PIGL: variants seen among roughly 807,000 people sequenced by gnomAD.
The protein encoded by PIGL is phosphatidylinositol glycan anchor biosynthesis class L.
PIGL carries 22 observed loss-of-function variants against 31.1 expected under a neutral mutation model. That is an observed-to-expected ratio of 0.71 (90% CI 0.51 to 1.01). The LOEUF (loss-of-function observed/expected upper bound fraction) is 1.01. PIGL is among the 50% of genes least tolerant of loss of function. The pLI, the probability that PIGL is intolerant of heterozygous loss-of-function variation, is 0.00. For synonymous variants in PIGL, 131 were observed against 117.4 expected (o/e 1.12, Z -0.75); for missense variants, 302 against 315.9 (o/e 0.96, Z 0.33).
intron 2 of PIGL, among the ~76,000 whole-genome samples, chr17:16,247,003 G>A (rs1176604387): frequency 6.6e-6 from 1 of 152,052 alleles, no homozygotes. Context: ...TCAAGGTCTT[G>A]CAGGGTCACT....
chr17:16,275,972 C>T (rs1045766131), intron 2 of PIGL, among the ~76,000 whole-genome samples: 1 of 151,898 alleles, frequency 6.6e-6, no homozygotes, highest in African/African-American at 2.4e-5. Context: ...TGCAGTGAGC[C>T]GAGATCAGGC....
At chr17:16,242,051 T>A (rs1424899475) in intron 2 of PIGL, among the ~76,000 whole-genome samples, 7 of 152,056 alleles carry the variant, frequency 4.6e-5, no homozygotes, top group Non-Finnish European at 1.0e-4. Flanking sequence ...GACTTTTTCT[T>A]TGGGGTTTTT....
At chr17:16,316,951 G>A in intron 5 of PIGL, 2 of 1,303,316 alleles carry the variant, frequency 1.5e-6, no homozygotes, top group Non-Finnish European at 2.0e-6. Context: ...CCCTCAACCT[G>A]TCTAGCTTTT....
At chr17:16,223,967 A>T (rs1052884920) in intron 1 of PIGL, among the ~76,000 whole-genome samples, 2 of 152,180 alleles carry the variant, frequency 1.3e-5, no homozygotes, top group Non-Finnish European at 2.9e-5. Flanking sequence ...CTGTAATCCC[A>T]GCACTTTGGG....
chr17:16,318,005 T>A (rs9890539), intron 6 of PIGL, 97 bp downstream of exon 6: 2 of 1,024,248 alleles, frequency 2.0e-6, no homozygotes, highest in Non-Finnish European at 1.5e-6. Context: ...TAACTGAAGG[T>A]TTTTCACAGT....
At chr17:16,249,367 T>C (rs917655857) in intron 2 of PIGL, among the ~76,000 whole-genome samples, 1 of 152,124 alleles carries the variant, frequency 6.6e-6, no homozygotes. Flanking sequence ...TAGTCCCAGC[T>C]ACTCGGGAGG....
At chr17:16,311,098 C>A (rs1295823144) in intron 3 of PIGL, among the ~76,000 whole-genome samples, 2 of 152,164 alleles carry the variant, frequency 1.3e-5, no homozygotes, top group Non-Finnish European at 2.9e-5. Context: ...CGAATCCCTT[C>A]CCAGCCCATT....
At chr17:16,309,133 G>A (rs1343792281) in intron 3 of PIGL, among the ~76,000 whole-genome samples, 1 of 152,052 alleles carries the variant, frequency 6.6e-6, no homozygotes, top group African/African-American at 2.4e-5. Flanking sequence ...TGTAATAATA[G>A]TGTATAAGTA....
At chr17:16,283,377 A>G (rs2092924537) in intron 2 of PIGL, among the ~76,000 whole-genome samples, 1 of 152,148 alleles carries the variant, frequency 6.6e-6, no homozygotes, top group African/African-American at 2.4e-5. Flanking sequence ...CTGAGGAAGG[A>G]GGATTGCCTG....
chr17:16,269,211 G>T (rs1042792077), intron 2 of PIGL, among the ~76,000 whole-genome samples: 9 of 152,156 alleles, frequency 5.9e-5, no homozygotes, highest in African/African-American at 2.2e-4. Context: ...GTACACATAG[G>T]GCCATGTGGT....
At chr17:16,298,946 G>A (rs554834224) in intron 2 of PIGL, among the ~76,000 whole-genome samples, 2 of 151,878 alleles carry the variant, frequency 1.3e-5, no homozygotes, top group East Asian at 1.9e-4. Flanking sequence ...AGAACCATTC[G>A]AACCCAGGAG....
chr17:16,314,671 G>C (rs747886674), intron 4 of PIGL, among the ~76,000 whole-genome samples: 1 of 152,140 alleles, frequency 6.6e-6, no homozygotes, highest in East Asian at 1.9e-4. Flanking sequence ...AAGACTATTC[G>C]GTTCCTGGTC....
chr17:16,284,588 A>G (rs534766428), intron 2 of PIGL, among the ~76,000 whole-genome samples: 28 of 152,292 alleles, frequency 1.8e-4, no homozygotes, highest in African/African-American at 6.5e-4. Flanking sequence ...CCTGCACTTG[A>G]TGGATCAGCT....
intron 6 of PIGL, among the ~76,000 whole-genome samples, chr17:16,321,791 G>A (rs1260783701): frequency 5.4e-5 from 8 of 149,044 alleles, no homozygotes; most frequent in Admixed American, 5.4e-4. Context: ...GTTATTTTAT[G>A]GTTTTTTTTT....
intron 2 of PIGL, among the ~76,000 whole-genome samples, chr17:16,299,631 C>A (rs956184611): frequency 6.6e-6 from 1 of 152,174 alleles, no homozygotes; most frequent in African/African-American, 2.4e-5. Flanking sequence ...GTGGACAGAG[C>A]CTTGTCTCAT....
intron 2 of PIGL, among the ~76,000 whole-genome samples, chr17:16,253,945 T>TA (rs112234439): frequency 5.1e-3 from 732 of 142,780 alleles, no homozygotes; most frequent in South Asian, 0.014. Context: ...TTTGTCTAAG[T>TA]AAAAAAAAAA....
chr17:16,253,502 T>C (rs1325355185), intron 2 of PIGL, among the ~76,000 whole-genome samples: 3 of 152,164 alleles, frequency 2.0e-5, no homozygotes, highest in African/African-American at 7.2e-5. Context: ...CCCATAAATA[T>C]ATACAATTAT....
intron 2 of PIGL, among the ~76,000 whole-genome samples, chr17:16,257,446 A>G (rs979214082): frequency 6.6e-6 from 1 of 151,858 alleles, no homozygotes; most frequent in Non-Finnish European, 1.5e-5. Flanking sequence ...AACAAAAAGA[A>G]CACTAGTTGC....
At chr17:16,307,963 C>CA (rs200906989) in intron 3 of PIGL, among the ~76,000 whole-genome samples, 2,505 of 62,268 alleles carry the variant, frequency 0.04, 61 homozygotes, top group African/African-American at 0.099. Context: ...GACCTTGTCT[C>CA]AAAAAAAAAA....
Sources: gnomAD v4.1 joint callset for allele counts (sites outside exome capture counted in the v4.1 genomes callset) on GRCh38, gnomAD v4.1.1 for gene constraint, MANE v1.5 for transcripts, NCBI Gene and HGNC (gene_info 2026-07-23, HGNC 2026-07-21) for gene names.